Variants in SPATA18 observed in about 807,000 individuals in gnomAD.
The protein encoded by SPATA18 is spermatogenesis associated 18, also known as mitochondria-eating protein.
In SPATA18, 54 loss-of-function variants were observed where a neutral mutation model predicts 68.1. That is an observed-to-expected ratio of 0.79 (90% CI 0.64 to 0.99). The LOEUF is 0.99. Among genes scored for constraint, SPATA18 ranks in the 50% least tolerant of loss-of-function variants. The probability of loss-of-function intolerance (pLI) is 0.00; values close to 1 mark genes in which losing one functional copy is unlikely to be tolerated. For missense variants in SPATA18, 724 were observed against 681.1 expected (o/e 1.06, Z -0.70); for synonymous variants, 242 against 244.8 (o/e 0.99, Z 0.11).
intron 10 of SPATA18, chr4:52,082,893 G>C (rs1278927353): frequency 1.0e-6 from 1 of 985,194 alleles, no homozygotes; most frequent in Non-Finnish European, 1.2e-6. Context: ...AATTTTTACT[G>C]ACGATTTTCT....
chr4:52,086,367 A>G (rs1472083296), intron 11 of SPATA18, among the ~76,000 whole-genome samples: 2 of 152,160 alleles, frequency 1.3e-5, no homozygotes, highest in Non-Finnish European at 2.9e-5. Context: ...CCATCAACCA[A>G]TCGCCTACAT....
chr4:52,063,487 A>G (rs1009937801), intron 4 of SPATA18, among the ~76,000 whole-genome samples: 17 of 152,228 alleles, frequency 1.1e-4, no homozygotes, highest in Non-Finnish European at 2.4e-4. Context: ...AAATTTATAA[A>G]TGTAACATGC....
At chr4:52,085,026 A>T (rs1298569314) in intron 11 of SPATA18, 27 bp downstream of exon 11, 2 of 1,550,290 alleles carry the variant, frequency 1.3e-6, no homozygotes, top group Non-Finnish European at 1.8e-6. Context: ...TCATTTTTAC[A>T]CAAAATTCAT....
At position 52,060,293 on chromosome 4, in the gene SPATA18, C is replaced by G; in HGVS notation, c.88-126C>G. The G allele has an allele frequency of 5.9e-6, 4 of 676,122 alleles. No individual in the cohort carries two copies. The South Asian group carries it at 7.6e-5, about 13-fold the overall frequency. 41.9% of individuals were successfully genotyped at this position (676,122 alleles called of 1,614,324 possible). On this transcript the variant is annotated intron_variant, in intron 1 of 12. Transcript: ENST00000295213. ...AGGGAGATAGGTTTTGGTGACTACA[C>G]AGCAGTCCTGCCACAAAAGCATACC...
intron 5 of SPATA18, among the ~76,000 whole-genome samples, chr4:52,071,505 G>C (rs1739838036): frequency 6.6e-6 from 1 of 152,152 alleles, no homozygotes; most frequent in Non-Finnish European, 1.5e-5. Context: ...ATAGAGTTGA[G>C]ACTATTCAGA....
In SPATA18 at chr4:52,072,140, A is replaced by C. The variant is rs1302030223; in HGVS notation, c.742A>C (p.Ser248Arg). 3 of 1,614,096 alleles carry C rather than the reference A, an allele frequency of 1.9e-6. No homozygotes were observed. The highest frequency in any genetic ancestry group is 2.5e-6 in the Non-Finnish European group (3 of 1,180,000). The part of the protein sequence containing the change: ...EEIAVLSAEK[S>R]ALQGRSSRSR... ...GATAGCTGTTCTGTCTGCTGAGAAAAGTGCACTCCAAGGAAGGTCAGACAA... is the reference window on the plus strand; with the variant it reads ...GATAGCTGTTCTGTCTGCTGAGAAACGTGCACTCCAAGGAAGGTCAGACAA... The change falls in exon 6 of 13, where the codon AGT becomes CGT. Residue 248 changes from serine to arginine, a missense_variant. Coordinates refer to ENST00000295213, the MANE Select transcript of SPATA18 (RefSeq NM_145263.4).
Position 52,051,728 on chromosome 4 carries a change from G to C in SPATA18, c.24G>C (p.Leu8=), listed in dbSNP as rs151044158. The C allele has an allele frequency of 1.2e-4, 195 of 1,614,232 alleles. No homozygotes were observed. Among genetic ancestry groups the C allele is most frequent in the Non-Finnish European group, 1.5e-4 (182 of 1,180,038 alleles). The change falls in exon 1 of 13, where the codon CTG becomes CTC. Residue 8 remains leucine (L), a synonymous_variant. Coordinates refer to ENST00000295213, the MANE Select transcript of SPATA18 (RefSeq NM_145263.4). ...CGATGGCGGAAAACCTGAAAAGACT[G>C]GTCTCAAACGAAACTTTACGAACGT... MAENLKR[L]VSNETLRTLQ...
chr4:52,074,073 C>A (rs1560596190), intron 6 of SPATA18, among the ~76,000 whole-genome samples: 1 of 152,110 alleles, frequency 6.6e-6, no homozygotes. Context: ...AAAACCTCCC[C>A]AAGGGGCAAG....
intron 11 of SPATA18, 71 bp from the exon 12 acceptor site, chr4:52,094,456 A>G (rs1386753232): frequency 4.6e-6 from 7 of 1,522,510 alleles, no homozygotes; most frequent in Non-Finnish European, 5.5e-6. Flanking sequence ...GGGAAAAAAA[A>G]TATGTCAAAA....
At chr4:52,072,718 C>A (rs1739971334) in intron 6 of SPATA18, among the ~76,000 whole-genome samples, 1 of 152,174 alleles carries the variant, frequency 6.6e-6, no homozygotes. Context: ...AAGGAAAGTT[C>A]TTTGGCTTGA....
chr4:52,078,568 A>T, intron 7 of SPATA18, 167 bp from the exon 8 acceptor site: 1 of 529,846 alleles, frequency 1.9e-6, no homozygotes, highest in Non-Finnish European at 3.3e-6. Flanking sequence ...GTACTTTTCA[A>T]AGTTAGAGAT....
chr4:52,051,741 A>G lies in SPATA18; in HGVS notation c.37A>G (p.Thr13Ala). The stretch of plus-strand genomic sequence containing the variant: ...CCTGAAAAGACTGGTCTCAAACGAA[A>G]CTTTACGAACGTTGCAGGAAAAGCT... ...ENLKRLVSNETLRTLQEKLDF... is the reference protein window; with the variant it reads ...ENLKRLVSNEALRTLQEKLDF... The change falls in exon 1 of 13, where the codon ACT (threonine) becomes GCT (alanine). Residue 13 changes from threonine (T) to alanine (A), a missense_variant. Coordinates refer to ENST00000295213, the MANE Select transcript of SPATA18 (RefSeq NM_145263.4). The G allele has an allele frequency of 6.2e-7, 1 of 1,614,162 alleles. No individual in the cohort carries two copies. The highest frequency in any genetic ancestry group is 8.5e-7 in the Non-Finnish European group (1 of 1,180,028).
intron 6 of SPATA18, among the ~76,000 whole-genome samples, chr4:52,072,569 A>C (rs963908708): frequency 9.9e-5 from 15 of 151,946 alleles, no homozygotes; most frequent in Admixed American, 9.8e-4. Context: ...TGCTCGGTTA[A>C]TTTTGTTTTT....
At chr4:52,088,988 A>G (rs1363465873) in intron 11 of SPATA18, among the ~76,000 whole-genome samples, 1 of 152,134 alleles carries the variant, frequency 6.6e-6, no homozygotes, top group Admixed American at 6.6e-5. Context: ...CAGGGATTCG[A>G]CTTCTTCCTG....
chr4:52,079,436 A>G (rs1740717664), intron 8 of SPATA18, among the ~76,000 whole-genome samples: 2 of 152,258 alleles, frequency 1.3e-5, no homozygotes, highest in Admixed American at 1.3e-4. Context: ...GTGTTGGCAC[A>G]TCATACCCTT....
chr4:52,060,525 G>A lies in SPATA18; in HGVS notation c.193+1G>A, dbSNP rs769882469. On this transcript the variant is annotated splice_donor_variant, in intron 2 of 12. Transcript: ENST00000295213. LOFTEE classifies it high-confidence loss of function. ...ATCCTCACAGCAGCAGCCCAAGAAGGTGAGAATGGCCTGTAATTTCCCATC... is the reference window on the plus strand; with the variant it reads ...ATCCTCACAGCAGCAGCCCAAGAAGATGAGAATGGCCTGTAATTTCCCATC... 1 of 1,613,340 alleles carries A rather than the reference G, an allele frequency of 6.2e-7. No homozygotes were observed. Among genetic ancestry groups the A allele is most frequent in the Non-Finnish European group, 8.5e-7 (1 of 1,179,390 alleles).
chr4:52,074,919 A>G (rs1740201264), intron 6 of SPATA18, among the ~76,000 whole-genome samples: 1 of 152,186 alleles, frequency 6.6e-6, no homozygotes, highest in Non-Finnish European at 1.5e-5. Flanking sequence ...TCATCCATAG[A>G]AAAGGAAAAG....
At position 52,060,411 on chromosome 4, in the gene SPATA18, C is replaced by T. The variant is rs573027367; in HGVS notation, c.88-8C>T. 3 of 1,612,872 alleles carry T rather than the reference C, an allele frequency of 1.9e-6. No individual in the cohort carries two copies. In the Admixed American group the frequency reaches 5.0e-5, roughly 27 times the overall value. On this transcript the variant is annotated splice_region_variant and splice_polypyrimidine_tract_variant and intron_variant, in intron 1 of 12. Coordinates refer to ENST00000295213, the MANE Select transcript of SPATA18 (RefSeq NM_145263.4). ...TTACCCTGGTTATCTACTGTTTTGC[C>T]CTTGCAGACAAACACGTGTGATCAA...
In SPATA18 at chr4:52,062,205, G is replaced by A. The variant is rs755109200; in HGVS notation, c.310-15G>A. On this transcript the variant is annotated splice_polypyrimidine_tract_variant and intron_variant, in intron 3 of 12. Coordinates refer to ENST00000295213, the MANE Select transcript of SPATA18 (RefSeq NM_145263.4). ...CAGACTGTTTTTTTTTTTTTTTTTT[G>A]GTGTATCTTTCCAGGACACGTTTGA... is the stretch of plus-strand genomic sequence containing the variant. 7 of 706,344 alleles carry A rather than the reference G, an allele frequency of 9.9e-6. No individual in the cohort carries two copies. The Admixed American group carries it at 1.2e-4, about 12-fold the overall frequency. 43.8% of individuals were successfully genotyped at this position (706,344 alleles called of 1,614,324 possible).
Sources: gnomAD v4.1 joint callset for allele counts (sites outside exome capture counted in the v4.1 genomes callset) on GRCh38, gnomAD v4.1.1 for gene constraint, MANE v1.5 for transcripts, NCBI Gene and HGNC (gene_info 2026-07-23, HGNC 2026-07-21) for gene names.